Variants in KDM4B observed in about 807,000 individuals in gnomAD.
KDM4B encodes the protein lysine-specific demethylase 4B.
A neutral mutation model predicts 125.2 loss-of-function variants in KDM4B; 32 were observed. The ratio of observed to expected loss-of-function variants is 0.26; its 90% confidence interval spans 0.19 to 0.34. The LOEUF (loss-of-function observed/expected upper bound fraction) is 0.34. Ranked by LOEUF, KDM4B falls within the 10% of genes least tolerant of loss-of-function variation. KDM4B has a pLI of 1.00. For missense variants in KDM4B, 1,190 were observed against 1,577.7 expected (o/e 0.75, Z 4.16); for synonymous variants, 721 against 677.9 (o/e 1.06, Z -0.99).
chr19:5,070,413 G>A (rs181629506), intron 6 of KDM4B, among the ~76,000 whole-genome samples: 8 of 152,338 alleles, frequency 5.3e-5, no homozygotes, highest in Admixed American at 3.9e-4. Context: ...TTCATCTTAT[G>A]TCTTTCTTAT....
At chr19:5,067,556 C>T (rs1422801855) in intron 6 of KDM4B, among the ~76,000 whole-genome samples, 2 of 137,194 alleles carry the variant, frequency 1.5e-5, no homozygotes, top group African/African-American at 2.7e-5. Flanking sequence ...TGCGGGGTCC[C>T]GGGGAGGTTG....
chr19:5,003,976 C>G lies in KDM4B; in HGVS notation c.-108-12281C>G, dbSNP rs1407799135. On this transcript the variant is annotated intron_variant, in intron 1 of 22. Coordinates refer to ENST00000159111, the MANE Select transcript of KDM4B (RefSeq NM_015015.3). ...ATGCTCAGCCGCTTGAGAATGCTGT[C>G]TCCTGCCTGGGTGCGTCTGGCTCCC... Among the ~76,000 whole-genome samples the G allele has an allele frequency of 3.3e-5, 5 of 152,150 alleles. No homozygotes were observed. In the East Asian group the frequency reaches 9.6e-4, roughly 29 times the overall value.
rs747235588 is a variant in KDM4B, at chr19:5,110,766, C to A, written c.1063C>A (p.Leu355Met). The change falls in exon 10 of 23, where the codon CTG becomes ATG. Residue 355 changes from leucine to methionine, a missense_variant. Transcript: ENST00000159111. ...GCCCACGGCGCTCACCAGCCCCGAG[C>A]TGAGCTCCTGGAGTGCATCCCGGGC... is the stretch of plus-strand genomic sequence containing the variant. ...TRPTALTSPE[L>M]SSWSASRASL... 6.8e-6 allele frequency: 11 copies of A among 1,609,052 alleles called. No individual in the cohort carries two copies. The highest frequency in any genetic ancestry group is 5.9e-6 in the Non-Finnish European group (7 of 1,178,150).
chr19:5,071,132 T>C (rs2037935097), intron 7 of KDM4B, 73 bp downstream of exon 7: 58 of 1,431,660 alleles, frequency 4.1e-5, no homozygotes, highest in Non-Finnish European at 5.5e-5. Context: ...GAAGGGCAGC[T>C]GGCGTCCCCC....
intron 7 of KDM4B, 96 bp downstream of exon 7, chr19:5,071,155 G>T (rs1381867416): frequency 1.7e-5 from 20 of 1,210,390 alleles, no homozygotes; most frequent in Non-Finnish European, 2.0e-5. Context: ...GCTCTGCTGC[G>T]GTCTGGGTTT....
At chr19:5,145,253 T>C (rs2613793) in intron 21 of KDM4B, among the ~76,000 whole-genome samples, 56,260 of 151,296 alleles carry the variant, frequency 0.37, 10,651 homozygotes, top group East Asian at 0.47. Flanking sequence ...AGTGAGTTTC[T>C]TCTCATGACT....
At position 5,047,463 on chromosome 19, in the gene KDM4B, T is replaced by C; in HGVS notation, c.433-13T>C. 6.3e-7 allele frequency: 1 copy of C among 1,590,816 alleles called. No homozygotes were observed. ...GGCCGGGCGGTTGCCGACGCTGCTC[T>C]GCCGCCCCACAGGACGTGGCCCAGT... On this transcript the variant is annotated splice_polypyrimidine_tract_variant and intron_variant, in intron 5 of 22. Transcript: ENST00000159111.
chr19:5,137,195 G>A, intron 15 of KDM4B, 67 bp from the exon 16 acceptor site: 1 of 1,183,856 alleles, frequency 8.4e-7, no homozygotes, highest in Non-Finnish European at 1.2e-6. Flanking sequence ...CCCTCCCCCT[G>A]AGTTTCACTC....
At chr19:4,981,119 G>A (rs72988177) in intron 1 of KDM4B, among the ~76,000 whole-genome samples, 17,173 of 152,170 alleles carry the variant, frequency 0.11, 1,174 homozygotes, top group South Asian at 0.19. Context: ...CTGAGCTGGC[G>A]TGCCTCAGCC....
intron 4 of KDM4B, 101 bp downstream of exon 4, chr19:5,040,112 C>T: frequency 7.8e-7 from 1 of 1,277,136 alleles, no homozygotes; most frequent in South Asian, 1.5e-5. Context: ...GCAGCCCCCA[C>T]AGCATGGCCG....
chr19:4,988,174 C>T (rs1021752265), intron 1 of KDM4B, among the ~76,000 whole-genome samples: 1 of 152,248 alleles, frequency 6.6e-6, no homozygotes, highest in African/African-American at 2.4e-5. Flanking sequence ...CTGCGGGCTC[C>T]TCCCCACGTA....
chr19:5,073,017 A>AG (rs1400628594), intron 7 of KDM4B, among the ~76,000 whole-genome samples: 1 of 152,154 alleles, frequency 6.6e-6, no homozygotes, highest in Non-Finnish European at 1.5e-5. Context: ...TGTAACCAAC[A>AG]GTCCCTCTGC....
intron 11 of KDM4B, among the ~76,000 whole-genome samples, chr19:5,121,819 A>G (rs1274343060): frequency 1.3e-5 from 2 of 152,078 alleles, no homozygotes; most frequent in Non-Finnish European, 2.9e-5. Context: ...GCTGATTTAA[A>G]TGCAGGCGGA....
intron 1 of KDM4B, among the ~76,000 whole-genome samples, chr19:4,978,014 C>A (rs1431171818): frequency 6.6e-6 from 1 of 152,198 alleles, no homozygotes; most frequent in African/African-American, 2.4e-5. Flanking sequence ...TGGCTGTAGG[C>A]AGAGCGGGCC....
intron 6 of KDM4B, among the ~76,000 whole-genome samples, chr19:5,055,601 G>A (rs954387672): frequency 6.6e-6 from 1 of 151,972 alleles, no homozygotes; most frequent in African/African-American, 2.4e-5. Flanking sequence ...AGTGTCAGGC[G>A]GTGGGCCCGT....
intron 6 of KDM4B, among the ~76,000 whole-genome samples, chr19:5,054,739 G>A (rs1599515889): frequency 6.6e-6 from 1 of 152,138 alleles, no homozygotes; most frequent in Admixed American, 6.5e-5. Context: ...CGCTGGTGCC[G>A]TGCTTGGGTA....
At chr19:5,090,392 C>T (rs2038656253) in intron 9 of KDM4B, among the ~76,000 whole-genome samples, 1 of 65,964 alleles carries the variant, frequency 1.5e-5, no homozygotes, top group Admixed American at 1.3e-4. Context: ...ATATCTCTCC[C>T]CCTCTCTCTC....
chr19:5,150,073 G>T (rs775706451), intron 21 of KDM4B, among the ~76,000 whole-genome samples: 2 of 152,246 alleles, frequency 1.3e-5, no homozygotes, highest in African/African-American at 2.4e-5. Flanking sequence ...GAGGAGGTGA[G>T]GGGTGAGTGT....
chr19:5,105,140 T>A (rs2145966731), intron 9 of KDM4B, among the ~76,000 whole-genome samples: 1 of 152,318 alleles, frequency 6.6e-6, no homozygotes. Context: ...CTTGGGCTGA[T>A]GGTGCAGAGG....
Sources: allele counts gnomAD v4.1 joint callset (sites outside exome capture counted in the v4.1 genomes callset), GRCh38; gene constraint gnomAD v4.1.1; transcripts MANE v1.5; gene names NCBI Gene and HGNC (gene_info 2026-07-23, HGNC 2026-07-21).